URAD: variants seen among roughly 807,000 people sequenced by gnomAD.
The protein encoded by URAD is ureidoimidazoline (2-oxo-4-hydroxy-4-carboxy-5-) decarboxylase.
In URAD, 4 loss-of-function variants were observed where a neutral mutation model predicts 4.6. That is an observed-to-expected ratio of 0.87 (90% CI 0.43 to 1.98). The LOEUF (loss-of-function observed/expected upper bound fraction) is 1.98. URAD is among the 30% of genes most tolerant of loss of function. The pLI, the probability that URAD is intolerant of heterozygous loss-of-function variation, is 0.03. For synonymous variants in URAD, 144 were observed against 118.2 expected (o/e 1.22, Z -1.41); for missense variants, 300 against 255.3 (o/e 1.18, Z -1.19).
intron 1 of URAD, among the ~76,000 whole-genome samples, chr13:27,987,095 T>G (rs1473434008): frequency 6.6e-6 from 1 of 152,204 alleles, no homozygotes; most frequent in Non-Finnish European, 1.5e-5. Context: ...TTTGGAGACG[T>G]CTGTATGACG....
intron 1 of URAD, 49 bp from the exon 2 acceptor site, chr13:27,978,501 C>A: frequency 1.6e-6 from 2 of 1,248,824 alleles, no homozygotes; most frequent in Non-Finnish European, 2.0e-6. Flanking sequence ...CGCGCCCGTC[C>A]CGCACCGCGC....
intron 1 of URAD, among the ~76,000 whole-genome samples, chr13:27,985,417 C>CA (rs1869999056): frequency 6.6e-6 from 1 of 152,112 alleles, no homozygotes. Context: ...AAGATGGTGC[C>CA]ACTGCACTCT....
chr13:27,983,105 T>C (rs7323771), intron 1 of URAD, among the ~76,000 whole-genome samples: 143,398 of 152,252 alleles, frequency 0.94, 68,107 homozygotes, highest in East Asian at 1. Flanking sequence ...CTAAGCAGCT[T>C]TACATGATCA....
chr13:27,982,004 C>T (rs1470623431), intron 1 of URAD, among the ~76,000 whole-genome samples: 1 of 152,138 alleles, frequency 6.6e-6, no homozygotes, highest in African/African-American at 2.4e-5. Context: ...CACTCTGTCA[C>T]GTTTCGAGCC....
intron 1 of URAD, among the ~76,000 whole-genome samples, chr13:27,981,028 CCTCT>C (rs112351328): frequency 0.037 from 4,331 of 117,180 alleles, 183 homozygotes; most frequent in African/African-American, 0.12. Flanking sequence ...CTCTCTCTCT[CCTCT>C]CTCTCTCTCT....
chr13:27,981,847 G>C (rs1869886248), intron 1 of URAD, among the ~76,000 whole-genome samples: 1 of 152,120 alleles, frequency 6.6e-6, no homozygotes, highest in African/African-American at 2.4e-5. Flanking sequence ...ACATGCCTTA[G>C]AATCCCTCAT....
intron 1 of URAD, among the ~76,000 whole-genome samples, chr13:27,981,829 A>T (rs749598773): frequency 6.6e-6 from 1 of 152,170 alleles, no homozygotes; most frequent in Non-Finnish European, 1.5e-5. Flanking sequence ...ACCCTTATCA[A>T]TGTGCAAACA....
At chr13:27,981,668 A>G (rs557373337) in intron 1 of URAD, among the ~76,000 whole-genome samples, 5 of 152,274 alleles carry the variant, frequency 3.3e-5, no homozygotes, top group African/African-American at 1.2e-4. Flanking sequence ...ACCCAGTGGT[A>G]TCTGGGTATG....
chr13:27,978,370 C>A lies in URAD; in HGVS notation c.258G>T (p.Arg86=). 7.1e-7 allele frequency: 1 copy of A among 1,403,142 alleles called. No homozygotes were observed. Among genetic ancestry groups the A allele is most frequent in the Non-Finnish European group, 9.2e-7 (1 of 1,085,302 alleles). The allele number at this position is 1,403,142 out of a possible 1,614,324, so 86.9% of individuals were successfully genotyped here. Residue 86 remains arginine, a synonymous_variant, in exon 2 of 2, where the codon CGG becomes CGT. Transcript: ENST00000332715. The stretch of plus-strand genomic sequence containing the variant: ...TCCTCAGGCCTGCGCCGCTCTGTTC[C>A]CGCTGCGACTCGGCCGTGAGCGTGC... ...QRGTLTAESQ[R]EQSGAGLRSL...
At chr13:27,979,698 A>G (rs1268097941) in intron 1 of URAD, among the ~76,000 whole-genome samples, 1 of 152,234 alleles carries the variant, frequency 6.6e-6, no homozygotes, top group African/African-American at 2.4e-5. Context: ...GCGCGCACGT[A>G]AAACACCGTT....
chr13:27,979,818 A>C (rs1869822694), intron 1 of URAD, among the ~76,000 whole-genome samples: 1 of 152,204 alleles, frequency 6.6e-6, no homozygotes, highest in East Asian at 1.9e-4. Context: ...ATAGTGCACC[A>C]TCTAACTCAT....
At chr13:27,980,178 C>T (rs934407618) in intron 1 of URAD, among the ~76,000 whole-genome samples, 2 of 152,182 alleles carry the variant, frequency 1.3e-5, no homozygotes, top group South Asian at 4.1e-4. Flanking sequence ...ATCCTCCCGC[C>T]TCGGCCTCCT....
At chr13:27,986,792 A>C (rs1364485323) in intron 1 of URAD, among the ~76,000 whole-genome samples, 1 of 151,992 alleles carries the variant, frequency 6.6e-6, no homozygotes, top group Admixed American at 6.6e-5. Flanking sequence ...AGACATTGAG[A>C]GGGTGGGCTC....
At position 27,988,565 on chromosome 13, in the gene URAD, A is replaced by G. The variant is rs768786975; in HGVS notation, c.73T>C (p.Cys25Arg). Reference sequence around the variant, plus strand: ...CAAACAGCAGCTGCAATCAGAGGACATCTCTCAGTGGCATTCCCAAACACA... The same window carrying G: ...CAAACAGCAGCTGCAATCAGAGGACGTCTCTCAGTGGCATTCCCAAACACA... ...VDVFGNATER[C>R]PLIAAAVWSQ... The change falls in exon 1 of 2, where the codon TGT becomes CGT. Residue 25 changes from cysteine (C) to arginine (R), a missense_variant. Physicochemically the swap from Cys to Arg is radical, Grantham distance 180. Coordinates refer to ENST00000332715, the MANE Select transcript of URAD (RefSeq NM_001105577.2). 1.2e-6 allele frequency: 2 copies of G among 1,613,958 alleles called. No individual in the cohort carries two copies. Among genetic ancestry groups the G allele is most frequent in the East Asian group, 2.2e-5 (1 of 44,892 alleles).
intron 1 of URAD, 29 bp from the exon 2 acceptor site, chr13:27,978,481 G>T: frequency 7.7e-7 from 1 of 1,294,930 alleles, no homozygotes; most frequent in Non-Finnish European, 9.8e-7. Flanking sequence ...ACCGGCGGGA[G>T]CGCGTCAACC....
Position 27,988,479 on chromosome 13 carries a change from A to C in URAD, c.159T>G (p.Asp53Glu), listed in dbSNP as rs752181906. 3 of 1,611,634 alleles carry C rather than the reference A, an allele frequency of 1.9e-6. No individual in the cohort carries two copies. In the African/African-American group the frequency reaches 4.0e-5, roughly 22 times the overall value. Reference protein sequence around the residue: ...DLEKHFFAFIDALAQSGQEGI... With the variant: ...DLEKHFFAFIEALAQSGQEGI... ...AAGCCTTACCTGACTGTGCAAGGGC[A>C]TCAATAAAGGCAAAAAAGTGCTTCT... Residue 53 changes from aspartate (D) to glutamate (E), a missense_variant, in exon 1 of 2, where the codon GAT (aspartate) becomes GAG (glutamate). Asp to Glu is a conservative substitution (Grantham distance 45). Transcript: ENST00000332715.
Position 27,988,645 on chromosome 13 carries a change from A to G in URAD, c.-8T>C, listed in dbSNP as rs750782891. On this transcript the variant is annotated 5_prime_UTR_variant, in exon 1 of 2. Coordinates refer to ENST00000332715, the MANE Select transcript of URAD (RefSeq NM_001105577.2). ...GACCTTCTCAATGTCCATTCCTTGTATTCCACTGGAGACAGCGGGACGTCC... is the reference window on the plus strand; with the variant it reads ...GACCTTCTCAATGTCCATTCCTTGTGTTCCACTGGAGACAGCGGGACGTCC... 3.8e-6 allele frequency: 6 copies of G among 1,593,300 alleles called. No homozygotes were observed. In the South Asian group the frequency reaches 6.8e-5, roughly 18 times the overall value.
intron 1 of URAD, among the ~76,000 whole-genome samples, chr13:27,983,873 T>C (rs1869944114): frequency 6.6e-6 from 1 of 152,222 alleles, no homozygotes; most frequent in African/African-American, 2.4e-5. Context: ...TTTTGTTTTG[T>C]TTTGTTTTGT....
chr13:27,983,604 T>G (rs1869936452), intron 1 of URAD, among the ~76,000 whole-genome samples: 1 of 152,194 alleles, frequency 6.6e-6, no homozygotes, highest in Non-Finnish European at 1.5e-5. Context: ...AAACTTAAAT[T>G]AACCTCCTAA....
Sources: allele counts gnomAD v4.1 joint callset (sites outside exome capture counted in the v4.1 genomes callset), GRCh38; gene constraint gnomAD v4.1.1; transcripts MANE v1.5; gene names NCBI Gene and HGNC (gene_info 2026-07-23, HGNC 2026-07-21).